DNM1L: variants seen among roughly 807,000 people sequenced by gnomAD.
The protein encoded by DNM1L is dynamin 1L, also known as dynamin-1-like protein.
A neutral mutation model predicts 92.8 loss-of-function variants in DNM1L; 33 were observed. That is an observed-to-expected ratio of 0.36 (90% CI 0.27 to 0.48). The LOEUF is 0.48. Ranked by LOEUF, DNM1L falls within the 20% of genes least tolerant of loss-of-function variation. The pLI is 0.99. For synonymous variants in DNM1L, 284 were observed against 305.0 expected (o/e 0.93, Z 0.72); for missense variants, 485 against 888.8 (o/e 0.55, Z 5.78).
At chr12:32,742,795 CAT>C (rs772954403) in intron 19 of DNM1L, 47 bp downstream of exon 19, 26 of 1,549,638 alleles carry the variant, frequency 1.7e-5, no homozygotes, top group Non-Finnish European at 2.1e-5. Flanking sequence ...TAGATAGAAA[CAT>C]AGAAATAGTT....
chr12:32,686,691 T>C (rs1174077262), intron 1 of DNM1L, among the ~76,000 whole-genome samples: 1 of 152,232 alleles, frequency 6.6e-6, no homozygotes, highest in East Asian at 1.9e-4. Flanking sequence ...GTAATTTTGT[T>C]TAACTTTTTG....
intron 8 of DNM1L, among the ~76,000 whole-genome samples, chr12:32,721,810 G>T (rs1324917555): frequency 6.6e-6 from 1 of 152,122 alleles, no homozygotes; most frequent in Non-Finnish European, 1.5e-5. Flanking sequence ...TATAAGTCAG[G>T]GTACCCATGA....
chr12:32,687,338 A>AT lies in DNM1L; in HGVS notation c.102+7881dup, dbSNP rs1038634862. 7.9e-5 allele frequency among the ~76,000 whole-genome samples: 12 copies of AT among 151,002 alleles called. No homozygotes were observed. The East Asian group carries it at 1.7e-3, about 22-fold the overall frequency. On this transcript the variant is annotated intron_variant, in intron 1 of 19. Coordinates refer to ENST00000549701, the MANE Select transcript of DNM1L (RefSeq NM_012062.5). The stretch of plus-strand genomic sequence containing the variant: ...ATGGTATGAGGTAGGGGTTCATTTC[A>AT]TTTTTTTTGCACGTGCTTCTCCAGT...
At chr12:32,707,169 AT>A in intron 2 of DNM1L, 197 bp from the exon 3 acceptor site, 1 of 497,808 alleles carries the variant, frequency 2.0e-6, no homozygotes, top group Admixed American at 3.7e-5. Context: ...ACACCATACA[AT>A]TTTTAAAATA....
chr12:32,710,695 T>C (rs1244477439), intron 4 of DNM1L, among the ~76,000 whole-genome samples: 2 of 151,958 alleles, frequency 1.3e-5, no homozygotes, highest in Non-Finnish European at 1.5e-5. Flanking sequence ...TAATACATGG[T>C]ATATAATACA....
At position 32,679,372 on chromosome 12, in the gene DNM1L, G is replaced by C. The variant is rs747457741; in HGVS notation, c.9G>C (p.Ala3=). 4.3e-5 allele frequency: 70 copies of C among 1,612,974 alleles called. 1 individual carries two copies. The South Asian group carries it at 7.4e-4, about 17-fold the overall frequency. Residue 3 remains alanine (A), a synonymous_variant, in exon 1 of 20, where the codon GCG becomes GCC. Transcript: ENST00000549701. ME[A]LIPVINKLQD... ...CCCGTGTTTTCAGAGTCATGGAGGCGCTAATTCCTGTCATAAACAAGCTCC... is the reference window on the plus strand; with the variant it reads ...CCCGTGTTTTCAGAGTCATGGAGGCCCTAATTCCTGTCATAAACAAGCTCC...
chr12:32,742,847 A>T (rs1592697369), intron 19 of DNM1L, 99 bp downstream of exon 19: 2 of 976,650 alleles, frequency 2.0e-6, no homozygotes, highest in Non-Finnish European at 3.1e-6. Flanking sequence ...TAGTCTTTAT[A>T]TTCTAGCTAG....
rs545834983 is a variant in DNM1L, at chr12:32,700,339, C to T, written c.103-1076C>T. ...TTTGCCATGTTGGCCAGGCTGGTCTCGAACTCCTGACCTCAGATGATCTGC... is the reference window on the plus strand; with the variant it reads ...TTTGCCATGTTGGCCAGGCTGGTCTTGAACTCCTGACCTCAGATGATCTGC... On this transcript the variant is annotated intron_variant, in intron 1 of 19. Coordinates refer to ENST00000549701, the MANE Select transcript of DNM1L (RefSeq NM_012062.5). Among the ~76,000 whole-genome samples, 13 of 152,170 alleles carry T rather than the reference C, an allele frequency of 8.5e-5. No individual in the cohort carries two copies. In the East Asian group the frequency reaches 1.2e-3, roughly 14 times the overall value.
intron 9 of DNM1L, among the ~76,000 whole-genome samples, chr12:32,727,857 T>C (rs1954257543): frequency 6.6e-6 from 1 of 152,214 alleles, no homozygotes; most frequent in African/African-American, 2.4e-5. Context: ...TCTTTGGGGC[T>C]TTGTGTCCAA....
At chr12:32,684,541 A>C (rs1370484187) in intron 1 of DNM1L, among the ~76,000 whole-genome samples, 1 of 151,348 alleles carries the variant, frequency 6.6e-6, no homozygotes, top group Non-Finnish European at 1.5e-5. Flanking sequence ...GCAATGGCAC[A>C]ATCTCAGCTC....
chr12:32,739,936 CATT>C, intron 16 of DNM1L, 125 bp from the exon 17 acceptor site: 1 of 1,195,822 alleles, frequency 8.4e-7, no homozygotes, highest in East Asian at 2.5e-5. Flanking sequence ...CTTCTGACCT[CATT>C]ATCTGTCTGA....
intron 4 of DNM1L, 112 bp from the exon 5 acceptor site, chr12:32,710,812 GTTTTA>G: frequency 1.1e-6 from 1 of 911,010 alleles, no homozygotes. Flanking sequence ...TTAAAAAAAA[GTTTTA>G]GGAATCATGA....
chr12:32,717,321 CACTATATATTTTA>C (rs1565517302), intron 6 of DNM1L, among the ~76,000 whole-genome samples: 6,397 of 83,230 alleles, frequency 0.077, 366 homozygotes, highest in Middle Eastern at 0.096. Context: ...ATTATATATA[CACTATATATTTTA>C]TATATACTAT....
chr12:32,730,737 G>A (rs1202658012), intron 9 of DNM1L, among the ~76,000 whole-genome samples: 1 of 152,182 alleles, frequency 6.6e-6, no homozygotes, highest in Admixed American at 6.5e-5. Flanking sequence ...CAGAGAAAAG[G>A]TGCTTAGCAA....
intron 9 of DNM1L, 81 bp downstream of exon 9, chr12:32,722,714 G>C: frequency 1.0e-6 from 1 of 998,526 alleles, no homozygotes; most frequent in Non-Finnish European, 1.5e-6. Flanking sequence ...CTTCAGCTCA[G>C]ATTATCTGAT....
At chr12:32,679,913 A>G in intron 1 of DNM1L, 1 of 986,224 alleles carries the variant, frequency 1.0e-6, no homozygotes, top group Non-Finnish European at 1.2e-6. Flanking sequence ...CGGGTGTTTT[A>G]TTTCCCTCCT....
intron 2 of DNM1L, among the ~76,000 whole-genome samples, chr12:32,704,996 C>T (rs1189153729): frequency 6.9e-6 from 1 of 145,354 alleles, no homozygotes; most frequent in Non-Finnish European, 1.5e-5. Context: ...ATATCTCAGG[C>T]AAAGTTTTTT....
intron 1 of DNM1L, among the ~76,000 whole-genome samples, chr12:32,693,338 G>A (rs73082827): frequency 0.15 from 23,418 of 152,128 alleles, 1,905 homozygotes; most frequent in Middle Eastern, 0.21. Flanking sequence ...GTATTTTTAA[G>A]AATTTGATTT....
chr12:32,701,578 G>A lies in DNM1L; in HGVS notation c.250+16G>A, dbSNP rs368520164. ...GAAGAAAATGGTAAATTTCAGATTTGAGATAATTATTTTACAGCTCTTCAT... is the reference window on the plus strand; with the variant it reads ...GAAGAAAATGGTAAATTTCAGATTTAAGATAATTATTTTACAGCTCTTCAT... On this transcript the variant is annotated intron_variant, in intron 2 of 19. Transcript: ENST00000549701. 2.7e-5 allele frequency: 44 copies of A among 1,603,318 alleles called. No homozygotes were observed. The highest frequency in any genetic ancestry group is 3.5e-5 in the Non-Finnish European group (41 of 1,170,664).
Sources: gnomAD v4.1 joint callset for allele counts (sites outside exome capture counted in the v4.1 genomes callset) on GRCh38, gnomAD v4.1.1 for gene constraint, MANE v1.5 for transcripts, NCBI Gene and HGNC (gene_info 2026-07-23, HGNC 2026-07-21) for gene names.